Variants in MAP3K5 observed in about 807,000 individuals in gnomAD.
MAP3K5 encodes ASK-1.
A neutral mutation model predicts 158.7 loss-of-function variants in MAP3K5; 56 were observed. That is an observed-to-expected ratio of 0.35 (90% CI 0.28 to 0.44). The LOEUF is 0.44. MAP3K5 is among the 20% of genes least tolerant of loss of function. The pLI, the probability that MAP3K5 is intolerant of heterozygous loss-of-function variation, is 1.00. For synonymous variants in MAP3K5, 579 were observed against 601.7 expected, an observed-to-expected ratio of 0.96 and a Z score of 0.55; for missense variants, 1,294 against 1,674.8, an observed-to-expected ratio of 0.77 and a Z score of 3.97.
intron 27 of MAP3K5, among the ~76,000 whole-genome samples, chr6:136,562,203 T>C (rs1830546796): frequency 1.3e-5 from 2 of 152,334 alleles, no homozygotes; most frequent in South Asian, 2.1e-4. Flanking sequence ...TTATTTATTC[T>C]AGTAAGCTCA....
At position 136,659,229 on chromosome 6, in the gene MAP3K5, T is replaced by C. The variant is rs1021539883; in HGVS notation, c.1516A>G (p.Thr506Ala). The C allele has an allele frequency of 2.5e-6, 4 of 1,613,822 alleles. No homozygotes were observed. Among genetic ancestry groups the C allele is most frequent in the African/African-American group, 1.3e-5 (1 of 74,928 alleles). ...QASEKLFKLK[T>A]PAWYLKSIVE... ...ATAGCTAATTATTACCATGCTGGTG[T>C]CTTCAGTTTAAAAAGCTTTTCAGAT... The change falls in exon 9 of 30, where the codon ACA becomes GCA. Residue 506 changes from threonine (T) to alanine (A), a missense_variant. Thr to Ala is a moderately conservative substitution (Grantham distance 58). Coordinates refer to ENST00000359015, the MANE Select transcript of MAP3K5 (RefSeq NM_005923.4).
chr6:136,779,528 C>CA lies in MAP3K5; in HGVS notation c.448+12181dup, dbSNP rs545018839. The stretch of plus-strand genomic sequence containing the variant: ...CACATACACCTAGTACACAGTAATG[C>CA]ATGCTGTTTGTGTATGGCTTGCTTT... On this transcript the variant is annotated intron_variant, in intron 1 of 29. Transcript: ENST00000359015. Among the ~76,000 whole-genome samples, 163 of 151,768 alleles carry CA rather than the reference C, an allele frequency of 1.1e-3. 1 individual carries two copies. Among genetic ancestry groups the CA allele is most frequent in the African/African-American group, 3.6e-3 (148 of 41,396 alleles).
chr6:136,711,011 C>T (rs1388762285), intron 2 of MAP3K5, among the ~76,000 whole-genome samples: 10 of 151,574 alleles, frequency 6.6e-5, no homozygotes, highest in Non-Finnish European at 1.3e-4. Flanking sequence ...GGAGAAACAC[C>T]CCCGTACCCT....
At chr6:136,558,734 A>C (rs889446830) in intron 29 of MAP3K5, 66 bp downstream of exon 29, 1 of 1,010,610 alleles carries the variant, frequency 9.9e-7, no homozygotes, top group African/African-American at 1.6e-5. Flanking sequence ...GCCTGGGAAG[A>C]TACTCAGACT....
intron 2 of MAP3K5, among the ~76,000 whole-genome samples, chr6:136,715,886 T>G (rs1165064044): frequency 2.6e-5 from 4 of 151,366 alleles, no homozygotes; most frequent in African/African-American, 9.7e-5. Context: ...AAAAATCAGC[T>G]GGGCGTGGTG....
At chr6:136,764,130 G>C (rs17065618) in intron 1 of MAP3K5, among the ~76,000 whole-genome samples, 6,837 of 152,226 alleles carry the variant, frequency 0.045, 190 homozygotes, top group African/African-American at 0.087. Flanking sequence ...TGCACACCCA[G>C]ATGACATATG....
At chr6:136,681,481 A>G (rs2114594629) in intron 7 of MAP3K5, among the ~76,000 whole-genome samples, 1 of 152,230 alleles carries the variant, frequency 6.6e-6, no homozygotes, top group East Asian at 1.9e-4. Context: ...AAAAAATTTG[A>G]AAAATTAGCT....
chr6:136,639,767 T>C (rs1296233761), intron 12 of MAP3K5, 129 bp from the exon 13 acceptor site: 5 of 586,754 alleles, frequency 8.5e-6, no homozygotes, highest in African/African-American at 5.7e-5. Context: ...AAGTTATAAA[T>C]AGCACTTTAA....
rs372466777 is a variant in MAP3K5 at position 136,654,718 on chromosome 6, TTACAAGTA to T, written c.1680+1581_1680+1588del. On this transcript the variant is annotated intron_variant, in intron 10 of 29. Coordinates refer to ENST00000359015, the MANE Select transcript of MAP3K5 (RefSeq NM_005923.4). ...ACCTCGGTCTCCCAAAGTGCTGGGATTACAAGTATAAGTCCTCATGCCTGGCCTCTTCT... is the reference window on the plus strand; with the variant it reads ...ACCTCGGTCTCCCAAAGTGCTGGGATTAAGTCCTCATGCCTGGCCTCTTCT... Among the ~76,000 whole-genome samples the T allele has an allele frequency of 6.5e-3, 993 of 152,324 alleles. 14 individuals are homozygous for T. The highest frequency in any genetic ancestry group is 0.021 in the African/African-American group (866 of 41,570).
At chr6:136,578,941 C>T (rs945520392) in intron 25 of MAP3K5, among the ~76,000 whole-genome samples, 7 of 150,820 alleles carry the variant, frequency 4.6e-5, no homozygotes, top group Non-Finnish European at 7.4e-5. Flanking sequence ...GAGGCCGAGG[C>T]GGGAGGACAG....
intron 1 of MAP3K5, among the ~76,000 whole-genome samples, chr6:136,729,895 G>C (rs1562652066): frequency 6.6e-6 from 1 of 152,214 alleles, no homozygotes; most frequent in Non-Finnish European, 1.5e-5. Context: ...GGCAAAGAAA[G>C]AATTAAAGAC....
chr6:136,604,830 A>T (rs970684582), intron 19 of MAP3K5, among the ~76,000 whole-genome samples: 1 of 152,210 alleles, frequency 6.6e-6, no homozygotes, highest in Non-Finnish European at 1.5e-5. Flanking sequence ...GGAAATTATT[A>T]ATTTTGGTTT....
chr6:136,652,321 C>T (rs760108064), intron 10 of MAP3K5, among the ~76,000 whole-genome samples: 9 of 152,022 alleles, frequency 5.9e-5, no homozygotes, highest in Non-Finnish European at 1.3e-4. Flanking sequence ...TTAAGGGCTC[C>T]AAGAATTCTC....
At chr6:136,778,446 T>C (rs1766963024) in intron 1 of MAP3K5, among the ~76,000 whole-genome samples, 1 of 152,206 alleles carries the variant, frequency 6.6e-6, no homozygotes. Context: ...GTTCACTATA[T>C]AATCTTGCAT....
intron 1 of MAP3K5, among the ~76,000 whole-genome samples, chr6:136,731,579 T>C (rs1782225518): frequency 6.6e-6 from 1 of 152,190 alleles, no homozygotes; most frequent in Non-Finnish European, 1.5e-5. Flanking sequence ...CTTCACTTCA[T>C]CATATCTGCA....
At chr6:136,791,330 C>A (rs1785064233) in intron 1 of MAP3K5, among the ~76,000 whole-genome samples, 1 of 152,136 alleles carries the variant, frequency 6.6e-6, no homozygotes, top group Non-Finnish European at 1.5e-5. Context: ...CTAAAACGGT[C>A]ACAGGTATAT....
Position 136,592,212 on chromosome 6 carries a change from T to C in MAP3K5, c.3186A>G (p.Gln1062=), listed in dbSNP as rs1479313753. 2 of 1,605,016 alleles carry C rather than the reference T, an allele frequency of 1.2e-6. No individual in the cohort carries two copies. The highest frequency in any genetic ancestry group is 1.7e-6 in the Non-Finnish European group (2 of 1,176,448). ...ATLHRILTED[Q]DKIVRNLMES... ...CCATTAGGTTTCTCACAATTTTGTCTTGGTCTTCCGTCAGGATCCTGTGAA... is the reference window on the plus strand; with the variant it reads ...CCATTAGGTTTCTCACAATTTTGTCCTGGTCTTCCGTCAGGATCCTGTGAA... Residue 1062 remains glutamine (Q), a synonymous_variant, in exon 23 of 30, where the codon CAA becomes CAG. Transcript: ENST00000359015.
At chr6:136,740,756 A>C (rs1334451302) in intron 1 of MAP3K5, among the ~76,000 whole-genome samples, 1 of 152,256 alleles carries the variant, frequency 6.6e-6, no homozygotes, top group Non-Finnish European at 1.5e-5. Flanking sequence ...AAAGTGCTAC[A>C]TAAGTTATTT....
In MAP3K5 at chr6:136,791,727, T is replaced by A; in HGVS notation, c.431A>T (p.Asp144Val). 6.2e-7 allele frequency: 1 copy of A among 1,613,216 alleles called. No homozygotes were observed. The highest frequency in any genetic ancestry group is 1.1e-5 in the South Asian group (1 of 91,086). Residue 144 changes from aspartate (D) to valine (V), a missense_variant, in exon 1 of 30, where the codon GAC becomes GTC. By Grantham distance (152) the Asp-to-Val change is radical. Transcript: ENST00000359015. The part of the protein sequence containing the change: ...KLDFGETTVL[D>V]RFYNADIAVV... ...ACACGCACCTGCATTGTAAAAGCGG[T>A]CCAGCACGGTGGTTTCTCCAAAGTC...
Sources: gnomAD v4.1 joint callset for allele counts (sites outside exome capture counted in the v4.1 genomes callset) on GRCh38, gnomAD v4.1.1 for gene constraint, MANE v1.5 for transcripts, NCBI Gene and HGNC (gene_info 2026-07-23, HGNC 2026-07-21) for gene names.